Variants in TRPC4 observed in about 807,000 individuals in gnomAD.
TRPC4 encodes the protein short transient receptor potential channel 4.
In TRPC4, 49 loss-of-function variants were observed where a neutral mutation model predicts 99.4. That is an observed-to-expected ratio of 0.49 (90% CI 0.39 to 0.63). The LOEUF is 0.63. Among genes scored for constraint, TRPC4 ranks in the 20% least tolerant of loss-of-function variants. The pLI is 0.00. For missense variants in TRPC4, 898 were observed against 1,152.9 expected (o/e 0.78, Z 3.20); for synonymous variants, 454 against 425.9 (o/e 1.07, Z -0.81).
In TRPC4 at chr13:37,713,942, C is replaced by G. The variant is rs1272718521; in HGVS notation, c.898-21607G>C. On this transcript the variant is annotated intron_variant, in intron 3 of 10. Coordinates refer to ENST00000379705, the MANE Select transcript of TRPC4 (RefSeq NM_016179.4). ...ATTTCAACTTTTATATAGGAATTGCCTAGGTTTATCCCTATGCATTCCCTT... is the reference window on the plus strand; with the variant it reads ...ATTTCAACTTTTATATAGGAATTGCGTAGGTTTATCCCTATGCATTCCCTT... Among the ~76,000 whole-genome samples, 6 of 152,054 alleles carry G rather than the reference C, an allele frequency of 3.9e-5. No homozygotes were observed. The East Asian group carries it at 1.2e-3, about 29-fold the overall frequency.
intron 3 of TRPC4, among the ~76,000 whole-genome samples, chr13:37,721,690 C>A (rs185204897): frequency 6.6e-6 from 1 of 152,110 alleles, no homozygotes; most frequent in Non-Finnish European, 1.5e-5. Flanking sequence ...AGAATACAGA[C>A]TTTTCCAGTG....
intron 2 of TRPC4, among the ~76,000 whole-genome samples, chr13:37,758,050 C>T (rs574887722): frequency 2.0e-5 from 3 of 151,964 alleles, no homozygotes; most frequent in South Asian, 4.1e-4. Flanking sequence ...GGCGTATTCA[C>T]GTAAGTTACT....
At chr13:37,653,914 C>T (rs1047324599) in intron 7 of TRPC4, among the ~76,000 whole-genome samples, 11 of 152,026 alleles carry the variant, frequency 7.2e-5, no homozygotes, top group Non-Finnish European at 2.9e-5. Context: ...GAACTTCTGA[C>T]ACAAAAATTT....
intron 4 of TRPC4, among the ~76,000 whole-genome samples, chr13:37,683,051 C>T (rs192729942): frequency 1.3e-5 from 2 of 151,462 alleles, no homozygotes; most frequent in Admixed American, 1.3e-4. Context: ...TTACAGGCGT[C>T]GGCAGCCCAG....
rs777763789 is a variant in TRPC4, at chr13:37,634,957, G to A, written c.*1946C>T. Among the ~76,000 whole-genome samples, 4 of 152,034 alleles carry A rather than the reference G, an allele frequency of 2.6e-5. No homozygotes were observed. Among genetic ancestry groups the A allele is most frequent in the Non-Finnish European group, 4.4e-5 (3 of 67,980 alleles). ...ATTCCCAAAAACCAGGTTTAGGAGT[G>A]AACAGGGGCTTAGTGCTCCTGGCTT... is the stretch of plus-strand genomic sequence containing the variant. On this transcript the variant is annotated 3_prime_UTR_variant, in exon 11 of 11. Transcript: ENST00000379705.
intron 3 of TRPC4, among the ~76,000 whole-genome samples, chr13:37,696,597 T>G (rs1953912587): frequency 6.6e-6 from 1 of 151,988 alleles, no homozygotes; most frequent in African/African-American, 2.4e-5. Context: ...CGTCAGAGAG[T>G]CACAAGGAAG....
chr13:37,688,301 A>G (rs978909590), intron 4 of TRPC4, among the ~76,000 whole-genome samples: 14 of 152,210 alleles, frequency 9.2e-5, no homozygotes, highest in Non-Finnish European at 1.5e-4. Flanking sequence ...ATAGTCAACA[A>G]TGTTGAACTT....
chr13:37,666,517 T>C (rs1047724294), intron 5 of TRPC4, among the ~76,000 whole-genome samples: 1 of 152,232 alleles, frequency 6.6e-6, no homozygotes, highest in Admixed American at 6.5e-5. Context: ...ATCCTTCACA[T>C]AGATATTTTC....
rs74522451 is a variant in TRPC4 at position 37,716,477 on chromosome 13, G to A, written c.898-24142C>T. Among the ~76,000 whole-genome samples the A allele has an allele frequency of 2.4e-4, 36 of 152,286 alleles. No homozygotes were observed. The East Asian group carries it at 6.4e-3, about 27-fold the overall frequency. ...TTGCCAATACGGGGTAGCTCATGAA[G>A]AGAGCACTGGCTTTGAGTATCTAGT... On this transcript the variant is annotated intron_variant, in intron 3 of 10. Transcript: ENST00000379705.
Position 37,646,544 on chromosome 13 carries a change from G to A in TRPC4, c.2079+4721C>T, listed in dbSNP as rs149298870. Among the ~76,000 whole-genome samples the A allele has an allele frequency of 3.6e-4, 55 of 152,222 alleles. No homozygotes were observed. In the East Asian group the frequency reaches 9.7e-3, roughly 27 times the overall value. ...GAGCAACAGCATGAAGCCTGGCTTC[G>A]TTTTAGCTTAAAAAGCTCAGATCTA... On this transcript the variant is annotated intron_variant, in intron 8 of 10. Coordinates refer to ENST00000379705, the MANE Select transcript of TRPC4 (RefSeq NM_016179.4).
At chr13:37,762,715 T>G (rs1438038078) in intron 2 of TRPC4, among the ~76,000 whole-genome samples, 1 of 87,792 alleles carries the variant, frequency 1.1e-5, no homozygotes, top group African/African-American at 4.7e-5. Flanking sequence ...TGGGGACTGT[T>G]GTGGGGTGGG....
At chr13:37,736,620 A>T (rs79001865) in intron 3 of TRPC4, among the ~76,000 whole-genome samples, 1,523 of 152,264 alleles carry the variant, frequency 0.01, 13 homozygotes, top group South Asian at 0.03. Flanking sequence ...GGGAAGAGTT[A>T]TTAGGGGCTG....
At chr13:37,666,449 A>C (rs760116862) in intron 5 of TRPC4, among the ~76,000 whole-genome samples, 12 of 152,170 alleles carry the variant, frequency 7.9e-5, no homozygotes, top group Non-Finnish European at 1.6e-4. Context: ...AGAGATATAA[A>C]TATGAAGTAA....
At chr13:37,637,704 C>T (rs1951580392) in intron 10 of TRPC4, 79 bp from the exon 11 acceptor site, 5 of 1,382,592 alleles carry the variant, frequency 3.6e-6, no homozygotes, top group Non-Finnish European at 3.9e-6. Context: ...ATATATGGGT[C>T]AGAAATGTTT....
intron 1 of TRPC4, among the ~76,000 whole-genome samples, chr13:37,833,522 TCTC>T (rs1311327355): frequency 6.6e-6 from 1 of 152,152 alleles, no homozygotes; most frequent in African/African-American, 2.4e-5. Context: ...GAAAAGATAC[TCTC>T]CTCCTGCTCT....
At chr13:37,846,495 G>T (rs1420124518) in intron 1 of TRPC4, among the ~76,000 whole-genome samples, 1 of 151,984 alleles carries the variant, frequency 6.6e-6, no homozygotes, top group Non-Finnish European at 1.5e-5. Context: ...AAAGCAAGTT[G>T]TTACCAGCTT....
intron 5 of TRPC4, among the ~76,000 whole-genome samples, chr13:37,668,591 C>A (rs1337790105): frequency 6.6e-6 from 1 of 152,088 alleles, no homozygotes; most frequent in Non-Finnish European, 1.5e-5. Flanking sequence ...AGTTTAGCAG[C>A]AGTGTTAAGA....
intron 1 of TRPC4, among the ~76,000 whole-genome samples, chr13:37,824,871 G>A (rs1029528549): frequency 3.3e-5 from 5 of 152,070 alleles, no homozygotes; most frequent in African/African-American, 1.2e-4. Flanking sequence ...TTGTACCTCT[G>A]GCAGAATTCG....
intron 3 of TRPC4, among the ~76,000 whole-genome samples, chr13:37,697,967 A>T (rs1208828953): frequency 2.0e-5 from 3 of 151,784 alleles, no homozygotes; most frequent in African/African-American, 7.3e-5. Flanking sequence ...GTATATGTGT[A>T]TGTGTGTGAG....
Sources: gnomAD v4.1 joint callset for allele counts (sites outside exome capture counted in the v4.1 genomes callset) on GRCh38, gnomAD v4.1.1 for gene constraint, MANE v1.5 for transcripts, NCBI Gene and HGNC (gene_info 2026-07-23, HGNC 2026-07-21) for gene names.